The following PTER variants were observed in gnomAD, a reference collection of about 807,000 sequenced individuals.
PTER encodes the protein N-acetyltaurine hydrolase.
A neutral mutation model predicts 29.6 loss-of-function variants in PTER; 38 were observed. That is an observed-to-expected ratio of 1.28 (90% confidence interval 0.99 to 1.68). The LOEUF (loss-of-function observed/expected upper bound fraction) is 1.68, where lower values mean the gene tolerates loss of function less well. Among genes scored for constraint, PTER ranks in the 40% most tolerant of loss-of-function variants. The pLI is 0.00. For missense variants in PTER, 482 were observed against 427.8 expected (o/e 1.13, Z -1.12); for synonymous variants, 172 against 154.5 (o/e 1.11, Z -0.84).
chr10:16,452,912 G>A (rs114789458), intron 1 of PTER, among the ~76,000 whole-genome samples: 1,564 of 151,634 alleles, frequency 0.01, 32 homozygotes, highest in African/African-American at 0.035. Context: ...CCTCACACCC[G>A]GCTAATTTTT....
At chr10:16,461,105 A>C (rs199612035) in intron 1 of PTER, among the ~76,000 whole-genome samples, 6 of 152,184 alleles carry the variant, frequency 3.9e-5, no homozygotes, top group African/African-American at 1.4e-4. Flanking sequence ...GCATAATTAT[A>C]TAAGTATATA....
intron 1 of PTER, among the ~76,000 whole-genome samples, chr10:16,478,295 CT>C (rs1255451949): frequency 2.7e-5 from 4 of 150,814 alleles, no homozygotes; most frequent in Non-Finnish European, 5.9e-5. Context: ...GGTTGAAATA[CT>C]GTTTTCTTCC....
At chr10:16,499,567 G>A (rs944486892) in intron 3 of PTER, among the ~76,000 whole-genome samples, 1 of 151,852 alleles carries the variant, frequency 6.6e-6, no homozygotes, top group Non-Finnish European at 1.5e-5. Flanking sequence ...TCAGTCTCCC[G>A]AGTAGCTGGG....
chr10:16,514,789 C>G (rs1836923077), downstream of PTER: 3 of 999,128 alleles, frequency 3.0e-6, no homozygotes, highest in Non-Finnish European at 4.4e-6. Flanking sequence ...GCATCACAAG[C>G]TGACTTGCTG....
At chr10:16,493,006 G>C (rs1378470443) in intron 3 of PTER, among the ~76,000 whole-genome samples, 1 of 152,178 alleles carries the variant, frequency 6.6e-6, no homozygotes, top group Non-Finnish European at 1.5e-5. Context: ...TGAAATAAGA[G>C]AGTGGGATAT....
chr10:16,510,426 A>G (rs984168681), intron 4 of PTER, among the ~76,000 whole-genome samples: 1 of 152,218 alleles, frequency 6.6e-6, no homozygotes, highest in African/African-American at 2.4e-5. Flanking sequence ...AGAGGCTACA[A>G]CTAAATCAAA....
At chr10:16,489,500 A>T (rs939579243) in intron 3 of PTER, among the ~76,000 whole-genome samples, 1 of 149,826 alleles carries the variant, frequency 6.7e-6, no homozygotes. Flanking sequence ...GTAACATCAG[A>T]CATCTTGGAA....
rs576662121 is a variant in PTER at position 16,477,547 on chromosome 10, A to G, written c.-48-6790A>G. Among the ~76,000 whole-genome samples, 365 of 152,296 alleles carry G rather than the reference A, an allele frequency of 2.4e-3. 2 individuals are homozygous for G. Among genetic ancestry groups the G allele is most frequent in the African/African-American group, 8.0e-3 (332 of 41,568 alleles). ...GTTTGTTAGTGATCTATAGGTGGTC[A>G]GTAATATCCATTTCAAGCTAAAGGA... On this transcript the variant is annotated intron_variant, in intron 1 of 4. Transcript: ENST00000535784.
downstream of PTER, among the ~76,000 whole-genome samples, chr10:16,516,343 T>C (rs772661867): frequency 4.6e-5 from 7 of 152,148 alleles, no homozygotes; most frequent in Non-Finnish European, 7.4e-5. Flanking sequence ...TTTGTAGGAG[T>C]TGAATGCTTT....
chr10:16,504,248 G>T (rs1042901283), intron 3 of PTER, among the ~76,000 whole-genome samples: 1 of 151,772 alleles, frequency 6.6e-6, no homozygotes, highest in African/African-American at 2.4e-5. Flanking sequence ...ATCTACTCTT[G>T]CTCTGTACTC....
At position 16,505,024 on chromosome 10, in the gene PTER, A is replaced by C. The variant is rs149026663; in HGVS notation, c.703A>C (p.Ile235Leu). Residue 235 changes from isoleucine to leucine, a missense_variant, in exon 4 of 5, where the codon ATT (isoleucine) becomes CTT (leucine). Transcript: ENST00000535784. ...KTVMSHLDRT[I>L]LDKKELLEFA... ...CATCTGTCGCATTGTTTCTAGGACT[A>C]TTCTTGATAAGAAAGAGCTCTTGGA... is the stretch of plus-strand genomic sequence containing the variant. 29 of 1,613,820 alleles carry C rather than the reference A, an allele frequency of 1.8e-5. No homozygotes were observed. In the African/African-American group the frequency reaches 3.5e-4, roughly 19 times the overall value.
chr10:16,510,764 C>G (rs964396658), intron 4 of PTER, among the ~76,000 whole-genome samples: 1 of 152,116 alleles, frequency 6.6e-6, no homozygotes, highest in Non-Finnish European at 1.5e-5. Context: ...CTGGCACATC[C>G]TATTAGAAGC....
rs74894420 is a variant in PTER at position 16,484,203 on chromosome 10, A to T, written c.-48-134A>T. 7.3e-3 allele frequency: 4,315 copies of T among 593,366 alleles called. 52 individuals are homozygous for T. Among genetic ancestry groups the T allele is most frequent in the South Asian group, 0.03 (1,197 of 40,184 alleles). The allele number at this position is 593,366 out of a possible 1,614,324, so 36.8% of individuals were successfully genotyped here. ...ATTCTGAAGTCGGCAGGATTGTGAG[A>T]TCGTATCTCTAGTTTTATTGATTTG... On this transcript the variant is annotated intron_variant, in intron 1 of 4. Coordinates refer to ENST00000535784, the MANE Select transcript of PTER (RefSeq NM_001261836.2).
At chr10:16,462,624 G>C (rs1009887423) in intron 1 of PTER, among the ~76,000 whole-genome samples, 2 of 148,076 alleles carry the variant, frequency 1.4e-5, no homozygotes, top group Admixed American at 6.8e-5. Context: ...AGGCTGGAGT[G>C]CAGTGATGCA....
In PTER at chr10:16,484,605, A is replaced by G. The variant is rs1835613881; in HGVS notation, c.221A>G (p.Asn74Ser). ...TCCCATAAAGAAAACCTTCAATTAAATCAGGAGACAGAAGCCATAAAGGAA... is the reference window on the plus strand; with the variant it reads ...TCCCATAAAGAAAACCTTCAATTAAGTCAGGAGACAGAAGCCATAAAGGAA... ...AYSHKENLQL[N>S]QETEAIKEEL... The change falls in exon 2 of 5, where the codon AAT becomes AGT. Residue 74 changes from asparagine (N) to serine (S), a missense_variant. Transcript: ENST00000535784. 6.2e-7 allele frequency: 1 copy of G among 1,614,024 alleles called. No homozygotes were observed. The highest frequency in any genetic ancestry group is 1.1e-5 in the South Asian group (1 of 91,070).
intron 3 of PTER, among the ~76,000 whole-genome samples, chr10:16,498,945 C>A (rs1172950442): frequency 1.3e-5 from 2 of 152,182 alleles, no homozygotes; most frequent in African/African-American, 4.8e-5. Context: ...TCCTAGATGT[C>A]ACTACGATGG....
chr10:16,506,850 G>T (rs1251878183), intron 4 of PTER, among the ~76,000 whole-genome samples: 1 of 152,092 alleles, frequency 6.6e-6, no homozygotes, highest in Non-Finnish European at 1.5e-5. Context: ...GAGAGATCTT[G>T]ACATGGATGT....
At chr10:16,476,908 T>C (rs1835290133) in intron 1 of PTER, among the ~76,000 whole-genome samples, 1 of 146,840 alleles carries the variant, frequency 6.8e-6, no homozygotes. Flanking sequence ...ATTCTTTTTT[T>C]TTTTTTTTTT....
At chr10:16,480,689 G>A (rs1835447705) in intron 1 of PTER, among the ~76,000 whole-genome samples, 1 of 152,142 alleles carries the variant, frequency 6.6e-6, no homozygotes, top group South Asian at 2.1e-4. Context: ...AATTCAAAAT[G>A]CCACTGAAAA....
Sources: gnomAD v4.1 joint callset for allele counts (sites outside exome capture counted in the v4.1 genomes callset) on GRCh38, gnomAD v4.1.1 for gene constraint, MANE v1.5 for transcripts, NCBI Gene and HGNC (gene_info 2026-07-23, HGNC 2026-07-21) for gene names.